Variants in ADCY1 observed in about 807,000 individuals in gnomAD.
ADCY1 encodes adenylate cyclase 1, also known as adenylate cyclase type 1.
Under a neutral mutation model 105.4 loss-of-function variants are expected in ADCY1, and 28 were observed. That is an observed-to-expected ratio of 0.27 (90% CI 0.20 to 0.36). The LOEUF (loss-of-function observed/expected upper bound fraction) is 0.36, where lower values mean the gene tolerates loss of function less well. Ranked by LOEUF, ADCY1 falls within the 10% of genes least tolerant of loss-of-function variation. The pLI is 1.00. For missense variants in ADCY1, 977 were observed against 1,434.2 expected (o/e 0.68, Z 5.15); for synonymous variants, 655 against 623.8 (o/e 1.05, Z -0.75).
chr7:45,593,126 G>T (rs1187206756), intron 2 of ADCY1, among the ~76,000 whole-genome samples: 2 of 152,222 alleles, frequency 1.3e-5, no homozygotes, highest in African/African-American at 4.8e-5. Flanking sequence ...ATAGTGTTGG[G>T]ATGGGGCTGC....
intron 3 of ADCY1, among the ~76,000 whole-genome samples, chr7:45,616,812 C>T (rs1438975355): frequency 1.3e-5 from 2 of 152,132 alleles, no homozygotes; most frequent in Non-Finnish European, 2.9e-5. Flanking sequence ...AAGTCCTGCC[C>T]AGAGCAATTA....
chr7:45,644,423 G>A (rs1158479809), intron 4 of ADCY1, among the ~76,000 whole-genome samples: 2 of 152,234 alleles, frequency 1.3e-5, no homozygotes, highest in Non-Finnish European at 2.9e-5. Flanking sequence ...GTGGCTGCCT[G>A]CTCAGTCAAG....
chr7:45,627,658 C>T (rs749569246), intron 4 of ADCY1, among the ~76,000 whole-genome samples: 3 of 152,120 alleles, frequency 2.0e-5, no homozygotes, highest in Admixed American at 1.3e-4. Flanking sequence ...CTGGGGTGGC[C>T]TACAACAGGC....
At chr7:45,662,621 T>A (rs1160430678) in intron 8 of ADCY1, among the ~76,000 whole-genome samples, 1 of 152,092 alleles carries the variant, frequency 6.6e-6, no homozygotes, top group Non-Finnish European at 1.5e-5. Flanking sequence ...CTGTGCCTCA[T>A]CTGTCTGTGC....
chr7:45,595,270 A>G (rs1228594845), intron 2 of ADCY1, among the ~76,000 whole-genome samples: 1 of 152,228 alleles, frequency 6.6e-6, no homozygotes, highest in African/African-American at 2.4e-5. Context: ...AGGAATGCAG[A>G]TTACCAGGCC....
intron 8 of ADCY1, among the ~76,000 whole-genome samples, chr7:45,668,409 C>G (rs1489549240): frequency 6.6e-6 from 1 of 152,138 alleles, no homozygotes; most frequent in Non-Finnish European, 1.5e-5. Flanking sequence ...GTCGTTGGTT[C>G]TGTTTATATG....
chr7:45,632,926 G>C (rs1184597678), intron 4 of ADCY1, among the ~76,000 whole-genome samples: 1 of 152,010 alleles, frequency 6.6e-6, no homozygotes, highest in Non-Finnish European at 1.5e-5. Flanking sequence ...GCTCCTAGCT[G>C]TTTCTTTTTT....
At chr7:45,622,302 A>G (rs1793922002) in intron 3 of ADCY1, among the ~76,000 whole-genome samples, 1 of 151,752 alleles carries the variant, frequency 6.6e-6, no homozygotes, top group African/African-American at 2.4e-5. Context: ...CAGTCACGTA[A>G]CCTCCCCAAG....
intron 1 of ADCY1, among the ~76,000 whole-genome samples, chr7:45,587,065 G>A (rs1299206665): frequency 6.6e-6 from 1 of 152,228 alleles, no homozygotes; most frequent in African/African-American, 2.4e-5. Context: ...GTGATGTCAT[G>A]TTGAAAATGG....
At chr7:45,693,965 T>G (rs1784828910) in intron 14 of ADCY1, among the ~76,000 whole-genome samples, 1 of 80,376 alleles carries the variant, frequency 1.2e-5, no homozygotes, top group Admixed American at 1.5e-4. Flanking sequence ...GGGACTGTGG[T>G]GGGGTCGGGG....
At chr7:45,592,650 G>A (rs572443844) in intron 1 of ADCY1, 109 bp from the exon 2 acceptor site, 44 of 1,487,970 alleles carry the variant, frequency 3.0e-5, no homozygotes, top group Middle Eastern at 1.8e-4. Context: ...GGTTTGGCCC[G>A]GGCGGCGTGG....
intron 2 of ADCY1, 30 bp from the exon 3 acceptor site, chr7:45,610,349 G>C (rs768945350): frequency 8.8e-6 from 14 of 1,591,270 alleles, no homozygotes; most frequent in Non-Finnish European, 1.2e-5. Context: ...GGGCCCTGCT[G>C]TCTAACCCGG....
At chr7:45,623,105 C>T (rs956052148) in intron 4 of ADCY1, among the ~76,000 whole-genome samples, 7 of 152,306 alleles carry the variant, frequency 4.6e-5, no homozygotes, top group Middle Eastern at 3.4e-3. Flanking sequence ...TGCAATCCCT[C>T]GTTCTGGGCT....
chr7:45,661,198 G>T (rs1399988647), intron 7 of ADCY1, among the ~76,000 whole-genome samples: 1 of 152,158 alleles, frequency 6.6e-6, no homozygotes, highest in African/African-American at 2.4e-5. Context: ...TAGTTTGAGG[G>T]TGAAAGGGGG....
rs1785464945 is a variant in ADCY1 at position 45,721,197 on chromosome 7, C to G, written c.*7202C>G. On this transcript the variant is annotated 3_prime_UTR_variant, in exon 20 of 20. Coordinates refer to ENST00000297323, the MANE Select transcript of ADCY1 (RefSeq NM_021116.4). The stretch of plus-strand genomic sequence containing the variant: ...CAATGGGTGAGACTCGCTCCAACTG[C>G]CCGCCCTCAGAGCAGGTGCCTAAGT... 6.6e-6 allele frequency: 1 copy of G among 152,296 alleles called. No homozygotes were observed. Among genetic ancestry groups the G allele is most frequent in the Admixed American group, 6.5e-5 (1 of 15,284 alleles). The allele number at this position is 152,296 out of a possible 1,614,324, so 9.4% of individuals were successfully genotyped here.
At chr7:45,626,708 T>C (rs1456816059) in intron 4 of ADCY1, among the ~76,000 whole-genome samples, 1 of 152,160 alleles carries the variant, frequency 6.6e-6, no homozygotes, top group Non-Finnish European at 1.5e-5. Context: ...GAAGAGAATA[T>C]TTTCTAGTTT....
In ADCY1 at chr7:45,702,566, G is replaced by A. The variant is rs180983129; in HGVS notation, c.2455-810G>A. Among the ~76,000 whole-genome samples, 127 of 152,368 alleles carry A rather than the reference G, an allele frequency of 8.3e-4. 1 individual carries two copies. The highest frequency in any genetic ancestry group is 2.7e-3 in the African/African-American group (113 of 41,594). On this transcript the variant is annotated intron_variant, in intron 14 of 19. Transcript: ENST00000297323. ...ACTCCTTTCAGGAGTTGGGTTCTGT[G>A]TGAGGAAACACAGGGACCCTGGTGG...
At chr7:45,603,795 T>C (rs1335582481) in intron 2 of ADCY1, among the ~76,000 whole-genome samples, 1 of 152,252 alleles carries the variant, frequency 6.6e-6, no homozygotes, top group Non-Finnish European at 1.5e-5. Flanking sequence ...ATAAATGGAA[T>C]AATAAAATAC....
rs1188061551 is a variant in ADCY1, at chr7:45,591,202, C to T, written c.640-1557C>T. On this transcript the variant is annotated intron_variant, in intron 1 of 19. Transcript: ENST00000297323. The surrounding 1 kb of genome is among the most constrained non-coding windows in gnomAD (Gnocchi z 4.1). The stretch of plus-strand genomic sequence containing the variant: ...TCTGTCCTCTCCCCTCCCTGTGGCC[C>T]CTGCCCCTGGTCAGTCTCAGCTCTC... Among the ~76,000 whole-genome samples, 1 of 152,178 alleles carries T rather than the reference C, an allele frequency of 6.6e-6. No homozygotes were observed. Among genetic ancestry groups the T allele is most frequent in the East Asian group, 1.9e-4 (1 of 5,180 alleles).
Sources: gnomAD v4.1 joint callset for allele counts (sites outside exome capture counted in the v4.1 genomes callset) on GRCh38, gnomAD v4.1.1 for gene constraint, Gnocchi (gnomAD v3.1) non-coding constraint, MANE v1.5 for transcripts, NCBI Gene and HGNC (gene_info 2026-07-23, HGNC 2026-07-21) for gene names.